RBFOX3: variants seen among roughly 807,000 people sequenced by gnomAD.
RBFOX3 encodes RNA binding fox-1 homolog 3, also known as RNA binding protein fox-1 homolog 3.
In RBFOX3, 17 loss-of-function variants were observed where a neutral mutation model predicts 48.7. The observed-to-expected ratio is 0.35, with a 90% CI of 0.24 to 0.52. RBFOX3 has a LOEUF of 0.52. Ranked by LOEUF, RBFOX3 falls within the 20% of genes least tolerant of loss-of-function variation. The pLI is 0.94. For missense variants in RBFOX3, 382 were observed against 497.5 expected (o/e 0.77, Z 2.21); for synonymous variants, 212 against 209.5 (o/e 1.01, Z -0.10).
At chr17:79,191,232 C>T (rs1318027743) in intron 4 of RBFOX3, among the ~76,000 whole-genome samples, 2 of 152,194 alleles carry the variant, frequency 1.3e-5, no homozygotes, top group African/African-American at 4.8e-5. Flanking sequence ...GGAGAGGCCA[C>T]ATGGAGAGCA....
At chr17:79,158,960 C>A (rs1166369501) in intron 4 of RBFOX3, among the ~76,000 whole-genome samples, 49 of 152,222 alleles carry the variant, frequency 3.2e-4, no homozygotes, top group Admixed American at 3.2e-3. Context: ...CCCCAACCGA[C>A]ACTGCTTGAG....
At chr17:79,524,235 T>C (rs1400721980) in intron 1 of RBFOX3, among the ~76,000 whole-genome samples, 1 of 152,146 alleles carries the variant, frequency 6.6e-6, no homozygotes, top group African/African-American at 2.4e-5. Flanking sequence ...ACAACAATGT[T>C]TGGGCAGGCT....
At chr17:79,173,730 G>A (rs1450142694) in intron 4 of RBFOX3, among the ~76,000 whole-genome samples, 1 of 152,112 alleles carries the variant, frequency 6.6e-6, no homozygotes, top group Non-Finnish European at 1.5e-5. Flanking sequence ...GCCACCCCTG[G>A]ATCTCAGACT....
intron 1 of RBFOX3, among the ~76,000 whole-genome samples, chr17:79,602,803 C>T (rs1325739661): frequency 1.3e-5 from 2 of 152,108 alleles, no homozygotes; most frequent in East Asian, 3.9e-4. Context: ...GATGTGGCAG[C>T]AAACTATAGG....
intron 2 of RBFOX3, among the ~76,000 whole-genome samples, chr17:79,325,339 G>C (rs922998129): frequency 2.0e-5 from 3 of 152,230 alleles, no homozygotes; most frequent in Admixed American, 2.0e-4. Flanking sequence ...CTCAAATGTG[G>C]TGGGAAATTT....
At chr17:79,613,019 C>T (rs1260745371), upstream of RBFOX3, among the ~76,000 whole-genome samples, 1 of 152,260 alleles carries the variant, frequency 6.6e-6, no homozygotes, top group Non-Finnish European at 1.5e-5. Flanking sequence ...AGCCCATCTC[C>T]GTCTCCCTTC....
In RBFOX3 at chr17:79,198,606, C is replaced by T. The variant is rs915649102; in HGVS notation, c.-34+37160G>A. On this transcript the variant is annotated intron_variant, in intron 4 of 14. Coordinates refer to ENST00000693108, the MANE Select transcript of RBFOX3 (RefSeq NM_001350451.2). This position sits in a 1 kb window ranked among gnomAD's most constrained non-coding sequence, Gnocchi z 8.2. Reference sequence around the variant, plus strand: ...GACTTTTAGAGATGTGAGAAGCCTCCCTGCTTTTGAACTTTCTCTCTCTCT... The same window carrying T: ...GACTTTTAGAGATGTGAGAAGCCTCTCTGCTTTTGAACTTTCTCTCTCTCT... Among the ~76,000 whole-genome samples, 4 of 146,530 alleles carry T rather than the reference C, an allele frequency of 2.7e-5. No homozygotes were observed. The South Asian group carries it at 6.7e-4, about 24-fold the overall frequency.
intron 4 of RBFOX3, among the ~76,000 whole-genome samples, chr17:79,146,965 C>T (rs1160771976): frequency 6.6e-6 from 1 of 152,202 alleles, no homozygotes; most frequent in Non-Finnish European, 1.5e-5. Context: ...GGGCCCCCTG[C>T]CTGCCTCCTG....
At chr17:79,240,918 C>T (rs2062267432) in intron 3 of RBFOX3, among the ~76,000 whole-genome samples, 1 of 152,136 alleles carries the variant, frequency 6.6e-6, no homozygotes. Context: ...CCCACCTCGG[C>T]CTCCCAAAGT....
At chr17:79,134,755 G>A (rs1179058516) in intron 4 of RBFOX3, among the ~76,000 whole-genome samples, 1 of 152,176 alleles carries the variant, frequency 6.6e-6, no homozygotes, top group Non-Finnish European at 1.5e-5. Context: ...TCCCCCCTGC[G>A]CCTGGGCCCA....
intron 1 of RBFOX3, among the ~76,000 whole-genome samples, chr17:79,565,341 C>CTT (rs1270878476): frequency 2.7e-3 from 376 of 138,156 alleles, no homozygotes; most frequent in African/African-American, 9.5e-3. Context: ...TTTAGGACAT[C>CTT]TTTTTTTTTT....
chr17:79,151,917 AGGATGGGAGGGGACCTACAGAGGGAGG>A (rs2044588970), intron 4 of RBFOX3, among the ~76,000 whole-genome samples: 1 of 15,462 alleles, frequency 6.5e-5, no homozygotes, highest in Non-Finnish European at 1.8e-4. Context: ...AGGGGAGGCG[AGGATGGGAGGGGACCTACAGAGGGAGG>A]CGCGGATGGG....
At chr17:79,602,484 C>T (rs1210077162) in intron 1 of RBFOX3, among the ~76,000 whole-genome samples, 11 of 152,166 alleles carry the variant, frequency 7.2e-5, no homozygotes, top group Non-Finnish European at 1.6e-4. Context: ...GCTGGGGGCA[C>T]GCAGCCAGGA....
At position 79,479,237 on chromosome 17, in the gene RBFOX3, C is replaced by A. The variant is rs1010319044; in HGVS notation, c.-175+3217G>T. On this transcript the variant is annotated intron_variant, in intron 2 of 14. Coordinates refer to ENST00000693108, the MANE Select transcript of RBFOX3 (RefSeq NM_001350451.2). The surrounding 1 kb of genome is among the most constrained non-coding windows in gnomAD (Gnocchi z 5.1). ...CTGGTAGCCCAAGGGGTGGTTTTGG[C>A]GGCCCCTTCTCTGAAGCCCATGTCC... Among the ~76,000 whole-genome samples the A allele has an allele frequency of 1.3e-5, 2 of 152,296 alleles. No individual in the cohort carries two copies. Among genetic ancestry groups the A allele is most frequent in the South Asian group, 4.1e-4 (2 of 4,824 alleles).
chr17:79,542,608 A>G (rs144240101), intron 1 of RBFOX3, among the ~76,000 whole-genome samples: 11 of 152,150 alleles, frequency 7.2e-5, no homozygotes, highest in Non-Finnish European at 8.8e-5. Flanking sequence ...ACATGGCAAA[A>G]CCCCGTCTCT....
chr17:79,293,271 A>G (rs2073688953), intron 3 of RBFOX3, among the ~76,000 whole-genome samples: 1 of 151,972 alleles, frequency 6.6e-6, no homozygotes, highest in Non-Finnish European at 1.5e-5. Flanking sequence ...GTTCCAAGTT[A>G]CTCATCTGCT....
rs1192868905 is a variant in RBFOX3, at chr17:79,362,282, C to T, written c.-174-54458G>A. Among the ~76,000 whole-genome samples, 1 of 152,238 alleles carries T rather than the reference C, an allele frequency of 6.6e-6. No individual in the cohort carries two copies. The highest frequency in any genetic ancestry group is 1.5e-5 in the Non-Finnish European group (1 of 68,044). Reference sequence around the variant, plus strand: ...GCCTTTGGGAAAATGCATCTGTCTCCCTGCGTTTCTCTGAAGCCAGAATCC... The same window carrying T: ...GCCTTTGGGAAAATGCATCTGTCTCTCTGCGTTTCTCTGAAGCCAGAATCC... On this transcript the variant is annotated intron_variant, in intron 2 of 14. Transcript: ENST00000693108. This position sits in a 1 kb window ranked among gnomAD's most constrained non-coding sequence, Gnocchi z 4.2.
chr17:79,474,061 T>C (rs1288932369), intron 2 of RBFOX3, among the ~76,000 whole-genome samples: 5 of 152,136 alleles, frequency 3.3e-5, no homozygotes, highest in African/African-American at 1.2e-4. Flanking sequence ...CACTCGTCCA[T>C]TCACCTTTGC....
chr17:79,218,016 T>A, intron 4 of RBFOX3, among the ~76,000 whole-genome samples: 1 of 150,960 alleles, frequency 6.6e-6, no homozygotes, highest in East Asian at 1.9e-4. Flanking sequence ...GAGTGGGAAG[T>A]CGGGGTAGAG....
Sources: allele counts gnomAD v4.1 joint callset (sites outside exome capture counted in the v4.1 genomes callset), GRCh38; gene constraint gnomAD v4.1.1; non-coding constraint Gnocchi (gnomAD v3.1); transcripts MANE v1.5; gene names NCBI Gene and HGNC (gene_info 2026-07-23, HGNC 2026-07-21).